The following SLX4 variants were observed in gnomAD, a reference collection of about 807,000 sequenced individuals.
SLX4 encodes SLX4 structure-specific endonuclease subunit, also known as structure-specific endonuclease subunit SLX4.
In SLX4, 112 loss-of-function variants were observed where a neutral mutation model predicts 146.2. That is an observed-to-expected ratio of 0.77 (90% CI 0.66 to 0.90). The LOEUF is 0.90. Among genes scored for constraint, SLX4 ranks in the 40% least tolerant of loss-of-function variants. The pLI is 0.00. For missense variants in SLX4, 2,563 were observed against 2,392.7 expected (o/e 1.07, Z -1.49); for synonymous variants, 1,061 against 997.7 (o/e 1.06, Z -1.20).
At chr16:3,611,270 C>A (rs1281102413) in intron 1 of SLX4, among the ~76,000 whole-genome samples, 1 of 152,338 alleles carries the variant, frequency 6.6e-6, no homozygotes, top group Admixed American at 6.5e-5. Flanking sequence ...AAGACTCTAA[C>A]GGCTCTAAAG....
rs2040467156 is a variant in SLX4 at position 3,583,433 on chromosome 16, A to G, written c.4817T>C (p.Leu1606Pro). 6.2e-7 allele frequency: 1 copy of G among 1,614,100 alleles called. No homozygotes were observed. The highest frequency in any genetic ancestry group is 8.5e-7 in the Non-Finnish European group (1 of 1,179,986). The change falls in exon 14 of 15, where the codon CTG (leucine) becomes CCG (proline). Residue 1606 changes from leucine (L) to proline (P), a missense_variant. Transcript: ENST00000294008. ...KEIFQYTHQTLDSDSEDESQS... is the reference protein window; with the variant it reads ...KEIFQYTHQTPDSDSEDESQS... ...GCTCTCGTCCTCGGAGTCTGAGTCC[A>G]GGGTCTGGTGAGTGTACTGGAATAT...
rs1449959689 is a variant in SLX4, at chr16:3,594,392, A to C, written c.2160+61T>G. On this transcript the variant is annotated intron_variant, in intron 10 of 14. Transcript: ENST00000294008. ...GAGACATGGGAAGACCTGGTTGGAGAAAGGCAGGAGGAGAGAGGGAGAGAG... is the reference window on the plus strand; with the variant it reads ...GAGACATGGGAAGACCTGGTTGGAGCAAGGCAGGAGGAGAGAGGGAGAGAG... The C allele has an allele frequency of 1.1e-5, 17 of 1,569,374 alleles. No homozygotes were observed. In the South Asian group the frequency reaches 1.3e-4, roughly 12 times the overall value.
rs200793851 is a variant in SLX4, at chr16:3,597,768, C to T, written c.1366+29G>A. On this transcript the variant is annotated intron_variant, in intron 6 of 14. Coordinates refer to ENST00000294008, the MANE Select transcript of SLX4 (RefSeq NM_032444.4). This position sits in a 1 kb window ranked among gnomAD's most constrained non-coding sequence, Gnocchi z 4.4. ...CACCCGGGACCTGCTGATGGCCTCT[C>T]CCAGGGTCACTCTTCTGATCACACA... The T allele has an allele frequency of 8.1e-6, 13 of 1,614,116 alleles. No homozygotes were observed. The East Asian group carries it at 2.7e-4, about 33-fold the overall frequency.
At chr16:3,586,750 G>A (rs144957365) in intron 12 of SLX4, among the ~76,000 whole-genome samples, 3,187 of 151,856 alleles carry the variant, frequency 0.021, 117 homozygotes, top group African/African-American at 0.068. Flanking sequence ...CCCAGGAGGT[G>A]GAGGTTGCAG....
In SLX4 at chr16:3,597,530, T is replaced by A; in HGVS notation, c.1532A>T (p.Glu511Val). The A allele has an allele frequency of 6.2e-7, 1 of 1,614,066 alleles. No individual in the cohort carries two copies. The highest frequency in any genetic ancestry group is 8.5e-7 in the Non-Finnish European group (1 of 1,180,022). Residue 511 changes from glutamate to valine, a missense_variant, in exon 7 of 15, where the codon GAA becomes GTA. Transcript: ENST00000294008. This position sits in a 1 kb window ranked among gnomAD's most constrained non-coding sequence, Gnocchi z 4.4. ...PPLPASRILKEGWERAGQCPP... is the reference protein window; with the variant it reads ...PPLPASRILKVGWERAGQCPP... The stretch of plus-strand genomic sequence containing the variant: ...ACACTGGCCCGCTCTTTCCCACCCT[T>A]CCTTTAAAATCCTGCTGGCAGGAAG...
rs761968591 is a variant in SLX4 at position 3,584,795 on chromosome 16, C to T, written c.4713G>A (p.Thr1571=). The T allele has an allele frequency of 1.5e-5, 25 of 1,613,872 alleles. No homozygotes were observed. Among genetic ancestry groups the T allele is most frequent in the South Asian group, 8.8e-5 (8 of 91,086 alleles). The change falls in exon 13 of 15, where the codon ACG becomes ACA. Residue 1571 remains threonine (T), a synonymous_variant. Transcript: ENST00000294008. ...TATCCAGTTCCTTCTTCAGCACCGGCGTCTCCATAATGGAATACTGTGGCA... is the reference window on the plus strand; with the variant it reads ...TATCCAGTTCCTTCTTCAGCACCGGTGTCTCCATAATGGAATACTGTGGCA... ...TPMPQYSIME[T]PVLKKELDRF... is the part of the protein sequence containing the mutation.
At chr16:3,584,686 C>A (rs1402751710) in intron 13 of SLX4, 83 bp downstream of exon 13, 2 of 1,105,310 alleles carry the variant, frequency 1.8e-6, no homozygotes, top group Non-Finnish European at 2.8e-6. Context: ...ACGGGGGGCC[C>A]TTCCGCCCCC....
chr16:3,590,629 C>G lies in SLX4; in HGVS notation c.3009G>C (p.Glu1003Asp), dbSNP rs142047326. ...EISEPSQITS[E>D]PEEQSGAVRE... ...TGACAGCGCCACTTTGTTCCTCGGG[C>G]TCACTTGTTATTTGGGACGGCTCTG... Residue 1003 changes from glutamate (E) to aspartate (D), a missense_variant, in exon 12 of 15, where the codon GAG becomes GAC. Coordinates refer to ENST00000294008, the MANE Select transcript of SLX4 (RefSeq NM_032444.4). The surrounding 1 kb of genome is among the most constrained non-coding windows in gnomAD (Gnocchi z 4.8). 8.7e-6 allele frequency: 14 copies of G among 1,614,044 alleles called. No homozygotes were observed. The African/African-American group carries it at 1.7e-4, about 20-fold the overall frequency.
chr16:3,608,549 C>A lies in SLX4; in HGVS notation c.416G>T (p.Gly139Val), dbSNP rs2040812049. The A allele has an allele frequency of 6.2e-7, 1 of 1,614,072 alleles. No individual in the cohort carries two copies. The highest frequency in any genetic ancestry group is 1.3e-5 in the African/African-American group (1 of 74,928). The change falls in exon 2 of 15, where the codon GGG becomes GTG. Residue 139 changes from glycine to valine, a missense_variant. Coordinates refer to ENST00000294008, the MANE Select transcript of SLX4 (RefSeq NM_032444.4). ...AGCAGAGGCAAGCACACCCCCCTCCCCATTCACAGAGTGGGCCGGTTCACT... is the reference window on the plus strand; with the variant it reads ...AGCAGAGGCAAGCACACCCCCCTCCACATTCACAGAGTGGGCCGGTTCACT... ...QASEPAHSVN[G>V]EGGVLASAPD... is the part of the protein sequence containing the mutation.
chr16:3,585,274 T>TA (rs2040494472), intron 12 of SLX4, among the ~76,000 whole-genome samples: 1 of 152,046 alleles, frequency 6.6e-6, no homozygotes, highest in East Asian at 1.9e-4. Flanking sequence ...TTCATCAATT[T>TA]AAAAAAACCC....
Position 3,583,100 on chromosome 16 carries a change from T to C in SLX4, c.5150A>G (p.Gln1717Arg), listed in dbSNP as rs766089444. 2 of 1,614,102 alleles carry C rather than the reference T, an allele frequency of 1.2e-6. No individual in the cohort carries two copies. The highest frequency in any genetic ancestry group is 1.7e-6 in the Non-Finnish European group (2 of 1,180,036). ...CCCATCGCATCCATCCGGTTACCTC[T>C]GTGAGCTCAAGGAGCTGTCACTGCC... ...VDGSDSSLSSQSSSSCEFGAA... is the reference protein window; with the variant it reads ...VDGSDSSLSSRSSSSCEFGAA... Residue 1717 changes from glutamine (Q) to arginine (R), a missense_variant, in exon 14 of 15, where the codon CAG becomes CGG. Physicochemically the swap from Gln to Arg is conservative, Grantham distance 43. Coordinates refer to ENST00000294008, the MANE Select transcript of SLX4 (RefSeq NM_032444.4).
intron 3 of SLX4, among the ~76,000 whole-genome samples, chr16:3,602,797 C>T (rs2040742277): frequency 6.6e-6 from 1 of 152,178 alleles, no homozygotes; most frequent in African/African-American, 2.4e-5. Context: ...ATGATAAAAC[C>T]AGGGCAGAGT....
Position 3,608,899 on chromosome 16 carries a change from G to A in SLX4, c.66C>T (p.Ala22=), listed in dbSNP as rs774837514. The A allele has an allele frequency of 6.2e-7, 1 of 1,614,168 alleles. No homozygotes were observed. Among genetic ancestry groups the A allele is most frequent in the Admixed American group, 1.7e-5 (1 of 60,018 alleles). The change falls in exon 2 of 15, where the codon GCC becomes GCT. Residue 22 remains alanine, a synonymous_variant. Coordinates refer to ENST00000294008, the MANE Select transcript of SLX4 (RefSeq NM_032444.4). The part of the protein sequence containing the change: ...FYLGSLSHLS[A]CPGIDPRSSE... ...AGGAGCGAGGGTCAATCCCAGGACA[G>A]GCAGACAGATGAGAAAGTGAACCCA... is the stretch of plus-strand genomic sequence containing the variant.
In SLX4 at chr16:3,589,011, C is replaced by T. The variant is rs1190668825; in HGVS notation, c.4627G>A (p.Glu1543Lys). Residue 1543 changes from glutamate to lysine, a missense_variant, in exon 12 of 15, where the codon GAG becomes AAG. Glu to Lys is a moderately conservative substitution (Grantham distance 56). Transcript: ENST00000294008. This position sits in a 1 kb window ranked among gnomAD's most constrained non-coding sequence, Gnocchi z 6.2. ...AGGAQKPEGL[E>K]TPKGANRKKN... ...TCTCCTGGCTACTCACTGGGTGTCT[C>T]TAACCCTTCGGGCTTCTGAGCTCCA... 1.2e-6 allele frequency: 2 copies of T among 1,613,968 alleles called. No homozygotes were observed. Among genetic ancestry groups the T allele is most frequent in the Non-Finnish European group, 1.7e-6 (2 of 1,180,048 alleles).
chr16:3,598,537 G>A (rs1008146577), intron 5 of SLX4, among the ~76,000 whole-genome samples: 3 of 152,198 alleles, frequency 2.0e-5, no homozygotes, highest in East Asian at 1.9e-4. Context: ...CACTTTCAAC[G>A]GGCAGCAGCT....
rs758835722 is a variant in SLX4, at chr16:3,608,570, T to A, written c.395A>T (p.Glu132Val). The A allele has an allele frequency of 6.2e-7, 1 of 1,614,214 alleles. No individual in the cohort carries two copies. The highest frequency in any genetic ancestry group is 8.5e-7 in the Non-Finnish European group (1 of 1,180,038). The change falls in exon 2 of 15, where the codon GAA (glutamate) becomes GTA (valine). Residue 132 changes from glutamate to valine, a missense_variant. Coordinates refer to ENST00000294008, the MANE Select transcript of SLX4 (RefSeq NM_032444.4). ...KQRVTKWQAS[E>V]PAHSVNGEGG... ...CTCCCCATTCACAGAGTGGGCCGGTTCACTTGCTTGCCATTTGGTTACCCT... is the reference window on the plus strand; with the variant it reads ...CTCCCCATTCACAGAGTGGGCCGGTACACTTGCTTGCCATTTGGTTACCCT...
Position 3,596,221 on chromosome 16 carries a change from G to A in SLX4, c.1856C>T (p.Ala619Val), listed in dbSNP as rs371325486. Residue 619 changes from alanine (A) to valine (V), a missense_variant, in exon 8 of 15, where the codon GCG (alanine) becomes GTG (valine). Physicochemically the swap from Ala to Val is moderately conservative, Grantham distance 64. Coordinates refer to ENST00000294008, the MANE Select transcript of SLX4 (RefSeq NM_032444.4). ...HQALQDLVDL[A>V]REGLSASPWP... ...CGGGCTGGCGCTCAGTCCCTCCCTC[G>A]CCAGGTCCACGAGGTCCTGCAGGGC... 5.2e-6 allele frequency: 8 copies of A among 1,551,050 alleles called. No homozygotes were observed. The South Asian group carries it at 7.1e-5, about 14-fold the overall frequency.
intron 12 of SLX4, among the ~76,000 whole-genome samples, chr16:3,587,037 G>C (rs1429924181): frequency 6.6e-6 from 1 of 152,152 alleles, no homozygotes; most frequent in Non-Finnish European, 1.5e-5. Flanking sequence ...GGGAAGGTGA[G>C]AGACTGCTCA....
chr16:3,608,791 A>G lies in SLX4; in HGVS notation c.174T>C (p.Phe58=), dbSNP rs2040815746. Residue 58 remains phenylalanine (F), a synonymous_variant, in exon 2 of 15, where the codon TTT becomes TTC. Transcript: ENST00000294008. ...TTCCATGTTTTTTCACCCTTTGGAA[A>G]AAGCTAGCGCAGAGTTCTTTAAAGT... ...DEDFKELCAS[F]FQRVKKHGIK... is the part of the protein sequence containing the mutation. 1.9e-6 allele frequency: 3 copies of G among 1,614,060 alleles called. No homozygotes were observed. Among genetic ancestry groups the G allele is most frequent in the Admixed American group, 3.3e-5 (2 of 60,002 alleles).
Sources: gnomAD v4.1 joint callset for allele counts (sites outside exome capture counted in the v4.1 genomes callset) on GRCh38, gnomAD v4.1.1 for gene constraint, Gnocchi (gnomAD v3.1) non-coding constraint, MANE v1.5 for transcripts, NCBI Gene and HGNC (gene_info 2026-07-23, HGNC 2026-07-21) for gene names.